The following GIGYF2 variants were observed in gnomAD, a reference collection of about 807,000 sequenced individuals.
The protein encoded by GIGYF2 is GRB10 interacting GYF protein 2.
In GIGYF2, 25 loss-of-function variants were observed where a neutral mutation model predicts 208.1. The observed-to-expected ratio is 0.12, with a 90% CI of 0.09 to 0.17. GIGYF2 has a LOEUF of 0.17. Ranked by LOEUF, GIGYF2 falls within the 10% of genes least tolerant of loss-of-function variation. The pLI, the probability that GIGYF2 is intolerant of heterozygous loss-of-function variation, is 1.00. For missense variants in GIGYF2, 1,302 were observed against 1,579.4 expected, an observed-to-expected ratio of 0.82 and a Z score of 2.98; for synonymous variants, 534 against 543.8, an observed-to-expected ratio of 0.98 and a Z score of 0.25.
chr2:232,769,832 A>G (rs1474101506), intron 8 of GIGYF2, among the ~76,000 whole-genome samples: 1 of 152,214 alleles, frequency 6.6e-6, no homozygotes, highest in Non-Finnish European at 1.5e-5. Flanking sequence ...AAGAAATGTT[A>G]TTATAGTACT....
intron 28 of GIGYF2, among the ~76,000 whole-genome samples, chr2:232,852,359 A>G (rs896676039): frequency 6.6e-6 from 1 of 152,150 alleles, no homozygotes; most frequent in African/African-American, 2.4e-5. Context: ...CAGCCTGGCC[A>G]ACATGGTGAA....
chr2:232,786,828 T>C (rs1040314136), intron 8 of GIGYF2, among the ~76,000 whole-genome samples: 2 of 152,196 alleles, frequency 1.3e-5, no homozygotes, highest in African/African-American at 2.4e-5. Flanking sequence ...TTGGAAAGAC[T>C]TTATAAGAAA....
At chr2:232,710,108 C>G (rs910354993) in intron 2 of GIGYF2, among the ~76,000 whole-genome samples, 1 of 151,836 alleles carries the variant, frequency 6.6e-6, no homozygotes, top group African/African-American at 2.4e-5. Context: ...TACAGGCACC[C>G]GCCACCATGC....
chr2:232,793,283 C>T (rs1574891381), intron 12 of GIGYF2, among the ~76,000 whole-genome samples: 2 of 152,128 alleles, frequency 1.3e-5, no homozygotes, highest in African/African-American at 2.4e-5. Context: ...TCACTGTGAC[C>T]GCTTAGACTC....
rs1344731939 is a variant in GIGYF2 at position 232,816,879 on chromosome 2, A to G, written c.2217A>G (p.Gln739=). The part of the protein sequence containing the change: ...LEKAKAAKLE[Q]ERREAEMRAK... ...CTCTTGTGTAATCACAGCTAGAGCA[A>G]GAGAGAAGAGAGGCAGAAATGAGGG... Residue 739 remains glutamine (Q), a synonymous_variant, in exon 20 of 29, where the codon CAA becomes CAG. Transcript: ENST00000373563. The G allele has an allele frequency of 5.6e-6, 9 of 1,612,432 alleles. No homozygotes were observed. Among genetic ancestry groups the G allele is most frequent in the Non-Finnish European group, 7.6e-6 (9 of 1,178,598 alleles).
At chr2:232,728,575 ATCAG>A (rs1209941535) in intron 2 of GIGYF2, among the ~76,000 whole-genome samples, 2 of 152,150 alleles carry the variant, frequency 1.3e-5, no homozygotes, top group African/African-American at 4.8e-5. Context: ...TGATGATATG[ATCAG>A]TCAGTGATCC....
chr2:232,818,601 T>C (rs1208425513), intron 20 of GIGYF2, among the ~76,000 whole-genome samples: 2 of 152,146 alleles, frequency 1.3e-5, no homozygotes, highest in Non-Finnish European at 2.9e-5. Flanking sequence ...TGTGGATTTA[T>C]TTCTGGGGTT....
In GIGYF2 at chr2:232,860,005, C is replaced by T. The variant is rs1559175595; in HGVS notation, c.*3145C>T. On this transcript the variant is annotated 3_prime_UTR_variant, in exon 29 of 29. Transcript: ENST00000373563. ...AGCATGGCCCTCTCCCTGCAACCCCCTCCCCCCCCGCCTTGATGAAAGGAG... is the reference window on the plus strand; with the variant it reads ...AGCATGGCCCTCTCCCTGCAACCCCTTCCCCCCCCGCCTTGATGAAAGGAG... 1.3e-5 allele frequency: 2 copies of T among 151,976 alleles called. No individual in the cohort carries two copies. Among genetic ancestry groups the T allele is most frequent in the African/African-American group, 2.4e-5 (1 of 41,396 alleles). The allele number at this position is 151,976 out of a possible 1,614,324, so 9.4% of individuals were successfully genotyped here.
intron 8 of GIGYF2, among the ~76,000 whole-genome samples, chr2:232,762,812 G>A (rs1025603983): frequency 6.6e-6 from 1 of 152,026 alleles, no homozygotes; most frequent in Non-Finnish European, 1.5e-5. Context: ...GGGAGGCCAA[G>A]GCAGGACAGC....
chr2:232,818,255 C>A (rs1414984469), intron 20 of GIGYF2, among the ~76,000 whole-genome samples: 1 of 152,174 alleles, frequency 6.6e-6, no homozygotes, highest in African/African-American at 2.4e-5. Context: ...CCTTTTCTCT[C>A]TATTTTAGTG....
intron 22 of GIGYF2, among the ~76,000 whole-genome samples, chr2:232,838,577 A>T (rs1200132795): frequency 6.6e-6 from 1 of 152,216 alleles, no homozygotes; most frequent in Admixed American, 6.5e-5. Flanking sequence ...TGATTAAAAT[A>T]TGCTGATTCT....
chr2:232,755,355 G>C (rs993500571), intron 5 of GIGYF2, among the ~76,000 whole-genome samples: 5 of 152,096 alleles, frequency 3.3e-5, no homozygotes, highest in African/African-American at 1.2e-4. Context: ...ATTTTCAGTA[G>C]AGACAGGGTT....
intron 22 of GIGYF2, among the ~76,000 whole-genome samples, chr2:232,839,234 G>T (rs1701741965): frequency 1.3e-5 from 2 of 152,116 alleles, no homozygotes; most frequent in African/African-American, 4.8e-5. Context: ...TCAGGACCTA[G>T]ATATTTATAC....
chr2:232,723,071 C>T (rs1374351308), intron 2 of GIGYF2, among the ~76,000 whole-genome samples: 1 of 152,174 alleles, frequency 6.6e-6, no homozygotes, highest in African/African-American at 2.4e-5. Flanking sequence ...ATCTGCCTAC[C>T]TCAGCGTCAG....
At chr2:232,785,127 T>C (rs1456278123) in intron 8 of GIGYF2, among the ~76,000 whole-genome samples, 1 of 152,038 alleles carries the variant, frequency 6.6e-6, no homozygotes, top group Admixed American at 6.6e-5. Flanking sequence ...CCTCAGGTAT[T>C]CCTTTATAGC....
chr2:232,759,531 G>A (rs1244484538), intron 6 of GIGYF2, among the ~76,000 whole-genome samples: 1 of 151,962 alleles, frequency 6.6e-6, no homozygotes, highest in Non-Finnish European at 1.5e-5. Flanking sequence ...TTATATAAAT[G>A]GAATAATTTT....
chr2:232,753,056 A>G (rs1218238371), intron 5 of GIGYF2, among the ~76,000 whole-genome samples: 1 of 151,572 alleles, frequency 6.6e-6, no homozygotes, highest in Non-Finnish European at 1.5e-5. Context: ...ACACACACAC[A>G]TAAATGGTAG....
At chr2:232,815,837 T>C in intron 19 of GIGYF2, 100 bp downstream of exon 19, 1 of 725,322 alleles carries the variant, frequency 1.4e-6, no homozygotes, top group Non-Finnish European at 2.5e-6. Context: ...CTTTTTACTT[T>C]CAGTTTACTG....
chr2:232,723,804 C>A (rs1341402043), intron 2 of GIGYF2, among the ~76,000 whole-genome samples: 1 of 139,162 alleles, frequency 7.2e-6, no homozygotes, highest in African/African-American at 2.7e-5. Context: ...ACGATCTCGG[C>A]TCACCGCAAC....
Sources: gnomAD v4.1 joint callset for allele counts (sites outside exome capture counted in the v4.1 genomes callset) on GRCh38, gnomAD v4.1.1 for gene constraint, MANE v1.5 for transcripts, NCBI Gene and HGNC (gene_info 2026-07-23, HGNC 2026-07-21) for gene names.